Variants in ADGRL3 observed in about 807,000 individuals in gnomAD.
ADGRL3 encodes the protein calcium-independent alpha-latrotoxin receptor 3.
A neutral mutation model predicts 153.5 loss-of-function variants in ADGRL3; 62 were observed. The observed-to-expected ratio is 0.40, with a 90% CI of 0.33 to 0.50. The LOEUF (loss-of-function observed/expected upper bound fraction) is 0.50. Among genes scored for constraint, ADGRL3 ranks in the 20% least tolerant of loss-of-function variants. The pLI is 0.47. For missense variants in ADGRL3, 1,641 were observed against 1,859.4 expected, an observed-to-expected ratio of 0.88 and a Z score of 2.16; for synonymous variants, 710 against 672.5, an observed-to-expected ratio of 1.06 and a Z score of -0.86.
At chr4:61,565,834 A>G (rs1209716742) in intron 4 of ADGRL3, among the ~76,000 whole-genome samples, 1 of 152,090 alleles carries the variant, frequency 6.6e-6, no homozygotes, top group Admixed American at 6.6e-5. Flanking sequence ...CACCACACCC[A>G]GTCGGATTTA....
At chr4:61,357,823 GA>G (rs2096206392) in intron 1 of ADGRL3, among the ~76,000 whole-genome samples, 1 of 151,768 alleles carries the variant, frequency 6.6e-6, no homozygotes, top group African/African-American at 2.4e-5. Context: ...ATTTAAAATG[GA>G]ACACTTCTAT....
chr4:61,232,489 AG>A (rs1211308458), intron 1 of ADGRL3, among the ~76,000 whole-genome samples: 1 of 151,936 alleles, frequency 6.6e-6, no homozygotes, highest in Non-Finnish European at 1.5e-5. Context: ...TTGTATTTTT[AG>A]TAGAGACAGG....
At chr4:62,037,605 T>A (rs1437599329) in intron 23 of ADGRL3, 126 bp from the exon 24 acceptor site, 3 of 1,035,080 alleles carry the variant, frequency 2.9e-6, no homozygotes, top group Non-Finnish European at 4.3e-6. Context: ...CTGAACAGAC[T>A]TTCTTACATC....
intron 13 of ADGRL3, among the ~76,000 whole-genome samples, chr4:61,928,928 C>CA (rs2098805999): frequency 6.6e-6 from 1 of 152,044 alleles, no homozygotes; most frequent in African/African-American, 2.4e-5. Flanking sequence ...CAAATGGTAT[C>CA]ACGGCACTAA....
At chr4:61,265,997 G>A (rs181211239) in intron 1 of ADGRL3, among the ~76,000 whole-genome samples, 14 of 151,792 alleles carry the variant, frequency 9.2e-5, no homozygotes, top group East Asian at 1.9e-4. Flanking sequence ...TTTGAATTTC[G>A]CATATTTAAG....
intron 1 of ADGRL3, among the ~76,000 whole-genome samples, chr4:61,338,853 A>G (rs1242924763): frequency 6.6e-6 from 1 of 152,222 alleles, no homozygotes. Flanking sequence ...TAGTTTTTCA[A>G]CAAAATTTAA....
At chr4:61,698,047 A>T (rs1254708768) in intron 6 of ADGRL3, among the ~76,000 whole-genome samples, 1 of 152,170 alleles carries the variant, frequency 6.6e-6, no homozygotes, top group Non-Finnish European at 1.5e-5. Flanking sequence ...AATGTAACTC[A>T]TTCTCTGTGG....
intron 5 of ADGRL3, among the ~76,000 whole-genome samples, chr4:61,617,676 C>T (rs1392382086): frequency 1.3e-5 from 2 of 152,212 alleles, no homozygotes; most frequent in African/African-American, 4.8e-5. Flanking sequence ...CATCTGCTCC[C>T]AAATCAAGCC....
Position 61,200,501 on chromosome 4 carries a change from G to GCGCCGCCGCCGCCGC in ADGRL3, c.-1494_-1480dup, listed in dbSNP as rs35918477. On this transcript the variant is annotated 5_prime_UTR_variant, in exon 1 of 27. Transcript: ENST00000683033. The stretch of plus-strand genomic sequence containing the variant: ...CAGATGCTGCAGCTGGTCGGGGTGG[G>GCGCCGCCGCCGCCGC]CGCCGCCGCCGCCGCCGCCGCCGCT... Among the ~76,000 whole-genome samples, 994 of 150,398 alleles carry GCGCCGCCGCCGCCGC rather than the reference G, an allele frequency of 6.6e-3. 12 individuals are homozygous for GCGCCGCCGCCGCCGC. Among genetic ancestry groups the GCGCCGCCGCCGCCGC allele is most frequent in the African/African-American group, 0.023 (951 of 40,902 alleles).
At chr4:61,298,765 A>G (rs2094491425) in intron 1 of ADGRL3, among the ~76,000 whole-genome samples, 1 of 152,198 alleles carries the variant, frequency 6.6e-6, no homozygotes, top group African/African-American at 2.4e-5. Flanking sequence ...GTACGTTTTG[A>G]CAGGTAGGGA....
chr4:61,731,950 A>G (rs1049580938), intron 7 of ADGRL3, among the ~76,000 whole-genome samples: 2 of 152,178 alleles, frequency 1.3e-5, no homozygotes, highest in African/African-American at 4.8e-5. Context: ...GCAGCAAAAT[A>G]TTATAGCAAG....
intron 2 of ADGRL3, among the ~76,000 whole-genome samples, chr4:61,410,154 A>AT (rs1173415167): frequency 1.3e-5 from 2 of 151,994 alleles, no homozygotes; most frequent in Non-Finnish European, 2.9e-5. Flanking sequence ...GACATTTTTA[A>AT]TTTTTTAAAA....
chr4:61,650,314 G>T (rs972711183), intron 5 of ADGRL3, among the ~76,000 whole-genome samples: 1 of 152,100 alleles, frequency 6.6e-6, no homozygotes, highest in South Asian at 2.1e-4. Flanking sequence ...AATATTTACT[G>T]TATTACTTTT....
chr4:61,638,685 G>A (rs1360593174), intron 5 of ADGRL3, among the ~76,000 whole-genome samples: 6 of 151,970 alleles, frequency 3.9e-5, no homozygotes, highest in Admixed American at 1.3e-4. Flanking sequence ...TACACAAATA[G>A]TGTTTTATTT....
At chr4:61,665,957 TA>T (rs2094778868) in intron 5 of ADGRL3, among the ~76,000 whole-genome samples, 1 of 152,208 alleles carries the variant, frequency 6.6e-6, no homozygotes, top group Admixed American at 6.5e-5. Flanking sequence ...ATTTTTATGC[TA>T]TGCCATGTCT....
At chr4:61,685,744 T>C (rs1418454650) in intron 6 of ADGRL3, among the ~76,000 whole-genome samples, 1 of 152,118 alleles carries the variant, frequency 6.6e-6, no homozygotes, top group African/African-American at 2.4e-5. Context: ...GAAAATCAGT[T>C]TTTTTCAAGT....
At chr4:61,545,449 C>A (rs1246771189) in intron 4 of ADGRL3, among the ~76,000 whole-genome samples, 3 of 152,172 alleles carry the variant, frequency 2.0e-5, no homozygotes, top group Non-Finnish European at 4.4e-5. Flanking sequence ...TTTTCCAACT[C>A]AGGATTTCCA....
intron 13 of ADGRL3, among the ~76,000 whole-genome samples, chr4:61,928,232 G>A (rs2098802822): frequency 6.6e-6 from 1 of 151,996 alleles, no homozygotes; most frequent in South Asian, 2.1e-4. Flanking sequence ...TGAAATAATT[G>A]TTCCCAGCTT....
chr4:61,851,367 A>G (rs983893046), intron 9 of ADGRL3, among the ~76,000 whole-genome samples: 1 of 152,062 alleles, frequency 6.6e-6, no homozygotes, highest in African/African-American at 2.4e-5. Context: ...CAGGAGGATC[A>G]CTTGAGACCA....
Sources: allele counts gnomAD v4.1 joint callset (sites outside exome capture counted in the v4.1 genomes callset), GRCh38; gene constraint gnomAD v4.1.1; transcripts MANE v1.5; gene names NCBI Gene and HGNC (gene_info 2026-07-23, HGNC 2026-07-21).